Variants in SLCO1B1 observed in about 807,000 individuals in gnomAD.
SLCO1B1 encodes the protein OATP-2.
Under a neutral mutation model 70.1 loss-of-function variants are expected in SLCO1B1, and 81 were observed. The observed-to-expected ratio is 1.16, with a 90% CI of 0.97 to 1.39. The LOEUF (loss-of-function observed/expected upper bound fraction) is 1.39, where lower values mean the gene tolerates loss of function less well. Among genes scored for constraint, SLCO1B1 ranks in the 40% most tolerant of loss-of-function variants. SLCO1B1 has a pLI of 0.00. For synonymous variants in SLCO1B1, 283 were observed against 271.5 expected, an observed-to-expected ratio of 1.04 and a Z score of -0.42; for missense variants, 895 against 799.6, an observed-to-expected ratio of 1.12 and a Z score of -1.44.
chr12:21,205,847 A>G (rs200265483), intron 10 of SLCO1B1, 21 bp from the exon 11 acceptor site: 22 of 1,554,044 alleles, frequency 1.4e-5, no homozygotes, highest in Non-Finnish European at 1.9e-5. Context: ...TTTTTGATAT[A>G]TGTCTATCAT....
At chr12:21,157,896 G>A (rs1008717898) in intron 2 of SLCO1B1, among the ~76,000 whole-genome samples, 25 of 152,064 alleles carry the variant, frequency 1.6e-4, no homozygotes, top group Non-Finnish European at 2.2e-4. Context: ...CACCGTGCCC[G>A]GCCAAGACTG....
intron 12 of SLCO1B1, among the ~76,000 whole-genome samples, chr12:21,219,410 A>G (rs11045872): frequency 0.13 from 20,387 of 152,158 alleles, 1,691 homozygotes; most frequent in Non-Finnish European, 0.18. Context: ...AGGTCCAAAA[A>G]CGTGTGTAAG....
At chr12:21,182,951 C>T (rs1335619197) in intron 7 of SLCO1B1, among the ~76,000 whole-genome samples, 1 of 152,206 alleles carries the variant, frequency 6.6e-6, no homozygotes, top group Non-Finnish European at 1.5e-5. Flanking sequence ...AAGGGAGCTC[C>T]ATGGCTCAGA....
rs549062660 is a variant in SLCO1B1, at chr12:21,210,627, T to C, written c.1497+4594T>C. On this transcript the variant is annotated intron_variant, in intron 11 of 14. Transcript: ENST00000256958. The stretch of plus-strand genomic sequence containing the variant: ...CATTGGTAGCTTGATGGGGATGACA[T>C]TGAATCTGTAAATTACCTTGGGCAG... Among the ~76,000 whole-genome samples the C allele has an allele frequency of 1.1e-4, 17 of 150,716 alleles. No homozygotes were observed. The South Asian group carries it at 3.4e-3, about 30-fold the overall frequency.
chr12:21,224,593 A>G, intron 13 of SLCO1B1, 129 bp from the exon 14 acceptor site: 1 of 680,376 alleles, frequency 1.5e-6, no homozygotes, highest in Non-Finnish European at 2.6e-6. Context: ...GTAGATGCAG[A>G]ACAAAATAAT....
chr12:21,202,469 A>G (rs755073387), intron 9 of SLCO1B1, 22 bp from the exon 10 acceptor site: 11 of 1,511,372 alleles, frequency 7.3e-6, no homozygotes, highest in African/African-American at 1.4e-5. Context: ...TATGATTACA[A>G]CTTTTTTTCT....
At chr12:21,209,345 G>A (rs866172116) in intron 11 of SLCO1B1, among the ~76,000 whole-genome samples, 166 of 152,116 alleles carry the variant, frequency 1.1e-3, no homozygotes, top group Non-Finnish European at 2.0e-3. Flanking sequence ...TACTGAGAAT[G>A]ATGTTTTCCA....
At position 21,175,451 on chromosome 12, in the gene SLCO1B1, A is replaced by C. The variant is rs574105975; in HGVS notation, c.359+742A>C. Among the ~76,000 whole-genome samples, 9 of 152,208 alleles carry C rather than the reference A, an allele frequency of 5.9e-5. No homozygotes were observed. In the East Asian group the frequency reaches 1.7e-3, roughly 29 times the overall value. On this transcript the variant is annotated intron_variant, in intron 4 of 14. Coordinates refer to ENST00000256958, the MANE Select transcript of SLCO1B1 (RefSeq NM_006446.5). ...TATATAAATGCTGAAAAAAATAGAC[A>C]TTATTCCAAGTTACCAAGTTCCCGG...
intron 14 of SLCO1B1, among the ~76,000 whole-genome samples, chr12:21,226,749 T>A (rs921445975): frequency 7.4e-6 from 1 of 135,900 alleles, no homozygotes; most frequent in African/African-American, 2.6e-5. Flanking sequence ...TATTGGTTCA[T>A]CAATTGTAAC....
intron 9 of SLCO1B1, among the ~76,000 whole-genome samples, chr12:21,201,434 C>T (rs114419265): frequency 0.01 from 1,527 of 152,140 alleles, 27 homozygotes; most frequent in African/African-American, 0.035. Flanking sequence ...GAGCTTTTTC[C>T]TAGAGAAGAC....
chr12:21,195,986 T>G (rs549407788), intron 7 of SLCO1B1, among the ~76,000 whole-genome samples: 1 of 152,312 alleles, frequency 6.6e-6, no homozygotes, highest in East Asian at 1.9e-4. Flanking sequence ...CTATTGCAAG[T>G]GTTCATAGGC....
intron 11 of SLCO1B1, among the ~76,000 whole-genome samples, chr12:21,216,493 C>T (rs1285307216): frequency 6.6e-6 from 1 of 152,170 alleles, no homozygotes; most frequent in African/African-American, 2.4e-5. Context: ...CTTGTTTCTA[C>T]ATTTTCCACT....
intron 11 of SLCO1B1, among the ~76,000 whole-genome samples, chr12:21,211,870 T>C (rs1206224671): frequency 2.0e-5 from 3 of 151,716 alleles, no homozygotes; most frequent in Non-Finnish European, 2.9e-5. Flanking sequence ...TAGTATTCTC[T>C]GATGGTAGTT....
intron 14 of SLCO1B1, among the ~76,000 whole-genome samples, chr12:21,231,514 A>C (rs1347002584): frequency 1.3e-5 from 2 of 152,100 alleles, no homozygotes; most frequent in Non-Finnish European, 2.9e-5. Flanking sequence ...TCATGTGGTC[A>C]TCAAGAGGGG....
At chr12:21,214,320 C>T (rs1008450905) in intron 11 of SLCO1B1, among the ~76,000 whole-genome samples, 5 of 150,998 alleles carry the variant, frequency 3.3e-5, no homozygotes, top group African/African-American at 1.2e-4. Flanking sequence ...AATACCCTGC[C>T]GTGTGAGGTG....
chr12:21,142,991 T>A (rs577946708), intron 2 of SLCO1B1, among the ~76,000 whole-genome samples: 79 of 152,210 alleles, frequency 5.2e-4, no homozygotes, highest in African/African-American at 1.9e-3. Flanking sequence ...CTAATGCTGG[T>A]ATTTCAGAAA....
chr12:21,234,232 G>T (rs564366871), intron 14 of SLCO1B1, among the ~76,000 whole-genome samples: 1 of 152,148 alleles, frequency 6.6e-6, no homozygotes, highest in East Asian at 1.9e-4. Context: ...TCCTGGGAGG[G>T]GGCCACAGGA....
At chr12:21,225,336 A>C (rs1439055394) in intron 14 of SLCO1B1, among the ~76,000 whole-genome samples, 1 of 152,136 alleles carries the variant, frequency 6.6e-6, no homozygotes, top group African/African-American at 2.4e-5. Flanking sequence ...ATATTACTCT[A>C]TTCGTGGGGA....
At chr12:21,158,312 A>T (rs1276695659) in intron 2 of SLCO1B1, among the ~76,000 whole-genome samples, 1 of 152,246 alleles carries the variant, frequency 6.6e-6, no homozygotes. Flanking sequence ...AGATGTTTAA[A>T]ATTCAAAAAA....
Sources: gnomAD v4.1 joint callset for allele counts (sites outside exome capture counted in the v4.1 genomes callset) on GRCh38, gnomAD v4.1.1 for gene constraint, MANE v1.5 for transcripts, NCBI Gene and HGNC (gene_info 2026-07-23, HGNC 2026-07-21) for gene names.